The following DDX47 variants were observed in gnomAD, a reference collection of about 807,000 sequenced individuals.
DDX47 encodes the protein probable ATP-dependent RNA helicase DDX47.
Under a neutral mutation model 58.8 loss-of-function variants are expected in DDX47, and 60 were observed. The observed-to-expected ratio is 1.02, with a 90% CI of 0.83 to 1.26. The LOEUF (loss-of-function observed/expected upper bound fraction) is 1.26, where lower values mean the gene tolerates loss of function less well. Among genes scored for constraint, DDX47 ranks in the 50% most tolerant of loss-of-function variants. DDX47 has a pLI of 0.00. For synonymous variants in DDX47, 197 were observed against 204.6 expected (o/e 0.96, Z 0.32); for missense variants, 530 against 573.2 (o/e 0.92, Z 0.77).
At chr12:12,821,832 A>T in intron 4 of DDX47, 106 bp downstream of exon 4, 1 of 1,224,662 alleles carries the variant, frequency 8.2e-7, no homozygotes, top group Non-Finnish European at 1.2e-6. Context: ...ACCCTGTTAA[A>T]TTTTTTAATT....
chr12:12,824,420 A>G (rs1398274922), intron 8 of DDX47, 120 bp from the exon 9 acceptor site: 23 of 1,154,804 alleles, frequency 2.0e-5, no homozygotes, highest in Non-Finnish European at 2.8e-5. Flanking sequence ...CCCCATTCAA[A>G]ACTTAGGGGG....
chr12:12,813,880 A>G (rs1862852509), intron 1 of DDX47, among the ~76,000 whole-genome samples: 1 of 152,240 alleles, frequency 6.6e-6, no homozygotes, highest in South Asian at 2.1e-4. Context: ...CTTACCTCGC[A>G]GAATTGTTGT....
chr12:12,816,806 G>T (rs11055087), intron 2 of DDX47, among the ~76,000 whole-genome samples: 36,413 of 152,138 alleles, frequency 0.24, 4,461 homozygotes, highest in Admixed American at 0.33. Context: ...AACTATCAGC[G>T]GCCCAGTGTT....
chr12:12,814,545 A>T, intron 2 of DDX47: 1 of 262,510 alleles, frequency 3.8e-6, no homozygotes, highest in Non-Finnish European at 7.4e-6. Context: ...TGGAACACAT[A>T]TGTGTGTCTT....
At chr12:12,814,915 G>C (rs140108189) in intron 2 of DDX47, among the ~76,000 whole-genome samples, 99 of 152,278 alleles carry the variant, frequency 6.5e-4, no homozygotes, top group South Asian at 2.1e-3. Flanking sequence ...GACCTCAAGT[G>C]ATCTACCTGC....
Position 12,813,412 on chromosome 12 carries a change from G to T in DDX47, c.45G>T (p.Gln15His), listed in dbSNP as rs376093913. ...EEHDSPTEASQPIVEEEETKT... is the reference protein window; with the variant it reads ...EEHDSPTEASHPIVEEEETKT... ...ACGATTCTCCGACCGAAGCGTCCCAGCCGATTGTGGAAGAGGAGGAAACTA... is the reference window on the plus strand; with the variant it reads ...ACGATTCTCCGACCGAAGCGTCCCATCCGATTGTGGAAGAGGAGGAAACTA... Residue 15 changes from glutamine to histidine, a missense_variant, in exon 1 of 12, where the codon CAG becomes CAT. By Grantham distance (24) the Gln-to-His change is conservative. Transcript: ENST00000358007. The T allele has an allele frequency of 6.2e-7, 1 of 1,613,542 alleles. No homozygotes were observed. Among genetic ancestry groups the T allele is most frequent in the East Asian group, 2.2e-5 (1 of 44,870 alleles).
chr12:12,819,229 T>C (rs1862937062), intron 2 of DDX47, among the ~76,000 whole-genome samples: 1 of 152,202 alleles, frequency 6.6e-6, no homozygotes. Context: ...CTTACAATAT[T>C]GATTCTGTCT....
chr12:12,815,156 T>A (rs1862877805), intron 2 of DDX47, among the ~76,000 whole-genome samples: 1 of 152,180 alleles, frequency 6.6e-6, no homozygotes, highest in South Asian at 2.1e-4. Context: ...AGAGGGGTAA[T>A]GTGGCTAATT....
chr12:12,827,123 TA>T, intron 10 of DDX47, 122 bp from the exon 11 acceptor site: 1 of 1,238,426 alleles, frequency 8.1e-7, no homozygotes, highest in South Asian at 1.5e-5. Context: ...AGAAAAGAAA[TA>T]ATATGTTCAA....
At position 12,821,673 on chromosome 12, in the gene DDX47, T is replaced by C. The variant is rs781312919; in HGVS notation, c.389T>C (p.Ile130Thr). 1.5e-5 allele frequency: 24 copies of C among 1,614,014 alleles called. No individual in the cohort carries two copies. The South Asian group carries it at 2.3e-4, about 16-fold the overall frequency. Residue 130 changes from isoleucine (I) to threonine (T), a missense_variant, in exon 4 of 12, where the codon ATT (isoleucine) becomes ACT (threonine). Coordinates refer to ENST00000358007, the MANE Select transcript of DDX47 (RefSeq NM_016355.4). Reference sequence around the variant, plus strand: ...TCTGTAGCTGTGATTGTAGGTGGAATTGATTCAATGTCTCAATCTTTGGCC... The same window carrying C: ...TCTGTAGCTGTGATTGTAGGTGGAACTGATTCAATGTCTCAATCTTTGGCC... ...GVQSAVIVGG[I>T]DSMSQSLALA...
chr12:12,821,584 C>G, intron 3 of DDX47, 71 bp from the exon 4 acceptor site: 1 of 1,507,000 alleles, frequency 6.6e-7, no homozygotes, highest in Non-Finnish European at 9.2e-7. Context: ...CTGGCATTGG[C>G]TTTAAAAGAT....
chr12:12,827,876 CT>C (rs58725534), intron 11 of DDX47, among the ~76,000 whole-genome samples: 53 of 132,788 alleles, frequency 4.0e-4, no homozygotes, highest in Admixed American at 5.1e-4. Flanking sequence ...TTTCTTTTTT[CT>C]TTTTTTTTTT....
At position 12,823,799 on chromosome 12, in the gene DDX47, A is replaced by G. The variant is rs117396625; in HGVS notation, c.751-71A>G. 7.5e-3 allele frequency: 10,996 copies of G among 1,460,024 alleles called. 69 individuals carry two copies. Among genetic ancestry groups the G allele is most frequent in the Non-Finnish European group, 8.6e-3 (9,134 of 1,064,720 alleles). The allele number at this position is 1,460,024 out of a possible 1,614,324, so 90.4% of individuals were successfully genotyped here. On this transcript the variant is annotated intron_variant, in intron 7 of 11. Coordinates refer to ENST00000358007, the MANE Select transcript of DDX47 (RefSeq NM_016355.4). ...CGACTATAGGCTTAGTCTTTACCTT[A>G]TGTATATGCCAGGTCTCCAATCCTG...
intron 9 of DDX47, 78 bp from the exon 10 acceptor site, chr12:12,825,922 C>T (rs1439850176): frequency 1.8e-6 from 2 of 1,096,226 alleles, no homozygotes; most frequent in East Asian, 5.7e-5. Flanking sequence ...AAAGGTTTTG[C>T]AGCAGGACTT....
At chr12:12,814,032 A>T in intron 1 of DDX47, 99 bp from the exon 2 acceptor site, 1 of 798,852 alleles carries the variant, frequency 1.3e-6, no homozygotes, top group Non-Finnish European at 2.3e-6. Context: ...TTTTAAATCA[A>T]ATACAATGGT....
At chr12:12,816,175 T>G (rs1202521417) in intron 2 of DDX47, among the ~76,000 whole-genome samples, 1 of 152,224 alleles carries the variant, frequency 6.6e-6, no homozygotes, top group African/African-American at 2.4e-5. Flanking sequence ...AAGTAATTGA[T>G]TTTGGATATC....
intron 9 of DDX47, 183 bp downstream of exon 9, chr12:12,824,860 C>T: frequency 1.9e-6 from 1 of 528,458 alleles, no homozygotes; most frequent in Non-Finnish European, 3.2e-6. Context: ...AACATTAGTA[C>T]ATATGAAAGA....
In DDX47 at chr12:12,826,001, A is replaced by G; in HGVS notation, c.1037A>G (p.Asp346Gly). 6.2e-7 allele frequency: 1 copy of G among 1,610,202 alleles called. No individual in the cohort carries two copies. Among genetic ancestry groups the G allele is most frequent in the Non-Finnish European group, 8.5e-7 (1 of 1,178,452 alleles). ...ATTTATTTACCCTTTTTGTTTTAGG[A>G]TTACATCCATCGAGTAGGTCGAACA... ...VNFDIPTHSK[D>G]YIHRVGRTAR... The change falls in exon 10 of 12, where the codon GAT becomes GGT. Residue 346 changes from aspartate (D) to glycine (G), a missense_variant and splice_region_variant. Physicochemically the swap from Asp to Gly is moderately conservative, Grantham distance 94. Transcript: ENST00000358007.
At chr12:12,813,604 G>A in intron 1 of DDX47, 150 bp downstream of exon 1, 2 of 742,076 alleles carry the variant, frequency 2.7e-6, no homozygotes, top group Non-Finnish European at 4.4e-6. Flanking sequence ...CTGGGTTTCG[G>A]ACGTGCTCTG....
Sources: gnomAD v4.1 joint callset for allele counts (sites outside exome capture counted in the v4.1 genomes callset) on GRCh38, gnomAD v4.1.1 for gene constraint, MANE v1.5 for transcripts, NCBI Gene and HGNC (gene_info 2026-07-23, HGNC 2026-07-21) for gene names.